Variants in PPFIBP2 observed in about 807,000 individuals in gnomAD.
PPFIBP2 encodes liprin-beta-2.
Under a neutral mutation model 118.3 loss-of-function variants are expected in PPFIBP2, and 118 were observed. That is an observed-to-expected ratio of 1.00 (90% CI 0.86 to 1.16). The LOEUF (loss-of-function observed/expected upper bound fraction) is 1.16, where lower values mean the gene tolerates loss of function less well. Ranked by LOEUF, PPFIBP2 falls within the 50% of genes most tolerant of loss-of-function variation. The probability of loss-of-function intolerance (pLI) is 0.00; values close to 1 mark genes in which losing one functional copy is unlikely to be tolerated. For synonymous variants in PPFIBP2, 414 were observed against 397.4 expected, an observed-to-expected ratio of 1.04 and a Z score of -0.50; for missense variants, 1,195 against 1,073.1, an observed-to-expected ratio of 1.11 and a Z score of -1.59.
At chr11:7,634,713 G>T (rs779902678) in intron 13 of PPFIBP2, among the ~76,000 whole-genome samples, 161 bp downstream of exon 13, 2 of 152,188 alleles carry the variant, frequency 1.3e-5, no homozygotes, top group East Asian at 3.9e-4. Context: ...AATTAACTGG[G>T]TGTGGCCCAA....
chr11:7,559,706 CT>C (rs1334915191), intron 2 of PPFIBP2, among the ~76,000 whole-genome samples: 2 of 152,114 alleles, frequency 1.3e-5, no homozygotes, highest in African/African-American at 4.8e-5. Flanking sequence ...ATAGGCAATA[CT>C]TTGGGGTACT....
At chr11:7,527,903 A>G (rs998206203) in intron 1 of PPFIBP2, among the ~76,000 whole-genome samples, 1 of 152,210 alleles carries the variant, frequency 6.6e-6, no homozygotes, top group Non-Finnish European at 1.5e-5. Context: ...CCGTCTATGA[A>G]GTACCCATCA....
At chr11:7,642,251 C>T in intron 16 of PPFIBP2, 47 bp from the exon 17 acceptor site, 3 of 1,606,304 alleles carry the variant, frequency 1.9e-6, no homozygotes, top group Non-Finnish European at 2.6e-6. Flanking sequence ...TGACTGTAGG[C>T]TTTCTGACTA....
intron 11 of PPFIBP2, chr11:7,632,304 G>C (rs1479804403): frequency 1.3e-5 from 2 of 152,838 alleles, no homozygotes; most frequent in African/African-American, 4.8e-5. Flanking sequence ...ACAGGTGTTG[G>C]AGCCATAAGA....
At position 7,519,235 on chromosome 11, in the gene PPFIBP2, G is replaced by A. The variant is rs993791146; in HGVS notation, c.-37+5114G>A. On this transcript the variant is annotated intron_variant, in intron 1 of 23. Coordinates refer to ENST00000299492, the MANE Select transcript of PPFIBP2 (RefSeq NM_003621.5). ...TGGTTGAGAGGGAGAGGTAGAGTCT[G>A]GGAGGAATGGACAGCAGTCTGCTGG... is the stretch of plus-strand genomic sequence containing the variant. Among the ~76,000 whole-genome samples the A allele has an allele frequency of 7.0e-4, 107 of 152,144 alleles. 1 individual carries two copies. Among genetic ancestry groups the A allele is most frequent in the African/African-American group, 2.5e-3 (104 of 41,420 alleles).
At chr11:7,619,764 A>G (rs1421020611) in intron 6 of PPFIBP2, among the ~76,000 whole-genome samples, 1 of 152,226 alleles carries the variant, frequency 6.6e-6, no homozygotes, top group African/African-American at 2.4e-5. Flanking sequence ...GATAGATCCT[A>G]TGTTTCTGGA....
chr11:7,615,801 A>G (rs1373489077), intron 6 of PPFIBP2, among the ~76,000 whole-genome samples: 2 of 152,222 alleles, frequency 1.3e-5, no homozygotes, highest in African/African-American at 4.8e-5. Flanking sequence ...GAGAGTGAGC[A>G]TGGAAAAACT....
chr11:7,535,426 C>T (rs577494035), intron 1 of PPFIBP2, among the ~76,000 whole-genome samples: 128 of 152,246 alleles, frequency 8.4e-4, no homozygotes, highest in Non-Finnish European at 1.3e-3. Flanking sequence ...GTGCGTCCAG[C>T]GTAGTGGTTA....
intron 6 of PPFIBP2, chr11:7,617,121 A>T: frequency 1.0e-6 from 1 of 985,242 alleles, no homozygotes. Flanking sequence ...GTCGGTTCTG[A>T]ATGTGATCAG....
chr11:7,597,695 G>A (rs572470591), intron 5 of PPFIBP2, 22 bp downstream of exon 5: 28 of 1,584,814 alleles, frequency 1.8e-5, no homozygotes, highest in South Asian at 1.7e-4. Context: ...TGCACTGAAG[G>A]CCCTTGGGTG....
chr11:7,664,484 C>T, the PPFIBP2 span, among the ~76,000 whole-genome samples: 2 of 152,152 alleles, frequency 1.3e-5, no homozygotes, highest in African/African-American at 4.8e-5. Flanking sequence ...TTGGTCTCTA[C>T]CCTCTAAATG....
intron 3 of PPFIBP2, among the ~76,000 whole-genome samples, chr11:7,582,589 A>C (rs1026984762): frequency 1.3e-5 from 2 of 151,994 alleles, no homozygotes; most frequent in Admixed American, 6.6e-5. Context: ...TGGCAGCAGC[A>C]CTTAGGGATC....
intron 2 of PPFIBP2, among the ~76,000 whole-genome samples, chr11:7,563,585 G>A (rs952749469): frequency 2.0e-5 from 3 of 152,194 alleles, no homozygotes; most frequent in Non-Finnish European, 4.4e-5. Context: ...AAAGGGACCT[G>A]GAATTGGATG....
Position 7,646,416 on chromosome 11 carries a change from A to C in PPFIBP2, c.1647-1971A>C, listed in dbSNP as rs1191533842. Among the ~76,000 whole-genome samples, 3 of 152,380 alleles carry C rather than the reference A, an allele frequency of 2.0e-5. No individual in the cohort carries two copies. In the East Asian group the frequency reaches 5.8e-4, roughly 29 times the overall value. On this transcript the variant is annotated intron_variant, in intron 17 of 23. Transcript: ENST00000299492. ...ATACCAGTTATAAATTGTGAAGATAAAACTTCTTAACTATTGTCATAGAAG... is the reference window on the plus strand; with the variant it reads ...ATACCAGTTATAAATTGTGAAGATACAACTTCTTAACTATTGTCATAGAAG...
In PPFIBP2 at chr11:7,648,864, C is replaced by T. The variant is rs1467450160; in HGVS notation, c.1862C>T (p.Thr621Ile). ...GTTTTAGCAGTGAAAGCCATCAACA[C>T]CAAACAGGAGGAGAAGTCTGCACTG... ...KLVLAVKAINTKQEEKSALLD... is the reference protein window; with the variant it reads ...KLVLAVKAINIKQEEKSALLD... The change falls in exon 19 of 24, where the codon ACC (threonine) becomes ATC (isoleucine). Residue 621 changes from threonine to isoleucine, a missense_variant. Physicochemically the swap from Thr to Ile is moderately conservative, Grantham distance 89. Coordinates refer to ENST00000299492, the MANE Select transcript of PPFIBP2 (RefSeq NM_003621.5). The T allele has an allele frequency of 6.2e-7, 1 of 1,614,162 alleles. No homozygotes were observed. The highest frequency in any genetic ancestry group is 2.2e-5 in the East Asian group (1 of 44,890).
chr11:7,648,300 T>C (rs934259724), intron 17 of PPFIBP2, 87 bp from the exon 18 acceptor site: 1 of 1,440,262 alleles, frequency 6.9e-7, no homozygotes, highest in Admixed American at 2.3e-5. Context: ...GTTTTTTCTT[T>C]TCTTTTCTTT....
chr11:7,531,450 G>A, intron 1 of PPFIBP2, among the ~76,000 whole-genome samples: 1 of 152,310 alleles, frequency 6.6e-6, no homozygotes, highest in East Asian at 1.9e-4. Context: ...TCGGTCCAGA[G>A]GTGGGATTCG....
chr11:7,537,767 C>A (rs1308613993), intron 1 of PPFIBP2, among the ~76,000 whole-genome samples: 1 of 152,158 alleles, frequency 6.6e-6, no homozygotes, highest in African/African-American at 2.4e-5. Flanking sequence ...TCTGGCTCCC[C>A]ATCTCAATTC....
intron 1 of PPFIBP2, among the ~76,000 whole-genome samples, chr11:7,523,511 T>G (rs1017254336): frequency 6.6e-6 from 1 of 152,156 alleles, no homozygotes; most frequent in Admixed American, 6.5e-5. Context: ...GTTCTGAAGG[T>G]TTTTTGTTTC....
Sources: gnomAD v4.1 joint callset for allele counts (sites outside exome capture counted in the v4.1 genomes callset) on GRCh38, gnomAD v4.1.1 for gene constraint, MANE v1.5 for transcripts, NCBI Gene and HGNC (gene_info 2026-07-23, HGNC 2026-07-21) for gene names.